The following BRINP1 variants were observed in gnomAD, a reference collection of about 807,000 sequenced individuals.
BRINP1 encodes BMP/retinoic acid inducible neural specific 1, also known as BMP/retinoic acid-inducible neural-specific protein 1.
Under a neutral mutation model 72.9 loss-of-function variants are expected in BRINP1, and 17 were observed. The observed-to-expected ratio is 0.23, with a 90% CI of 0.16 to 0.35. The LOEUF is 0.35. Among genes scored for constraint, BRINP1 ranks in the 10% least tolerant of loss-of-function variants. BRINP1 has a pLI of 1.00. For synonymous variants in BRINP1, 418 were observed against 378.5 expected, an observed-to-expected ratio of 1.10 and a Z score of -1.21; for missense variants, 850 against 1,001.6, an observed-to-expected ratio of 0.85 and a Z score of 2.04.
At chr9:119,318,844 G>GGGTGTGTGTGTGT (rs111313745) in intron 1 of BRINP1, among the ~76,000 whole-genome samples, 1 of 142,146 alleles carries the variant, frequency 7.0e-6, no homozygotes, top group African/African-American at 2.6e-5. Flanking sequence ...AAATGTGTGG[G>GGGTGTGTGTGTGT]GTGTGTGTGT....
Position 119,250,108 on chromosome 9 carries a change from AGG to A in BRINP1, c.219-960_219-959del, listed in dbSNP as rs1564228777. The stretch of plus-strand genomic sequence containing the variant: ...AGGAAGGAAGGAAGGAAGAAAAGGA[AGG>A]AGGGAGGGAGGGAAGGAGGGAGGGA... On this transcript the variant is annotated intron_variant, in intron 2 of 7. Coordinates refer to ENST00000265922, the MANE Select transcript of BRINP1 (RefSeq NM_014618.3). Among the ~76,000 whole-genome samples, 91 of 56,272 alleles carry A rather than the reference AGG, an allele frequency of 1.6e-3. 1 individual carries two copies. The highest frequency in any genetic ancestry group is 2.0e-3 in the Non-Finnish European group (56 of 27,774). 36.9% of individuals were successfully genotyped at this position (56,272 alleles called of 152,430 possible).
At chr9:119,247,836 T>C (rs543148793) in intron 3 of BRINP1, among the ~76,000 whole-genome samples, 1 of 152,314 alleles carries the variant, frequency 6.6e-6, no homozygotes, top group African/African-American at 2.4e-5. Flanking sequence ...ATGTGCAGTT[T>C]TGAGGACTAA....
chr9:119,335,089 C>G (rs1160965132), intron 1 of BRINP1, among the ~76,000 whole-genome samples: 1 of 152,154 alleles, frequency 6.6e-6, no homozygotes, highest in Non-Finnish European at 1.5e-5. Flanking sequence ...CGGACACAAA[C>G]AGCCAGCTCA....
At chr9:119,213,247 A>G (rs560712388) in intron 6 of BRINP1, among the ~76,000 whole-genome samples, 179 of 152,278 alleles carry the variant, frequency 1.2e-3, no homozygotes, top group Non-Finnish European at 2.0e-3. Flanking sequence ...TTTCCTAATC[A>G]TTGGCATGGT....
chr9:119,224,969 T>C (rs1830075337), intron 5 of BRINP1, among the ~76,000 whole-genome samples: 2 of 152,020 alleles, frequency 1.3e-5, no homozygotes, highest in African/African-American at 4.8e-5. Flanking sequence ...CAAAATACAC[T>C]TATTTTTACA....
intron 1 of BRINP1, among the ~76,000 whole-genome samples, chr9:119,328,321 T>C (rs1488126748): frequency 6.6e-6 from 1 of 152,088 alleles, no homozygotes; most frequent in Non-Finnish European, 1.5e-5. Flanking sequence ...TTGAAAGAGA[T>C]TAAGGCATGA....
At chr9:119,312,161 C>G (rs750287514) in intron 2 of BRINP1, among the ~76,000 whole-genome samples, 29 of 152,298 alleles carry the variant, frequency 1.9e-4, no homozygotes, top group Non-Finnish European at 4.1e-4. Context: ...TAACATGGAC[C>G]AGAGTTCCCT....
rs558146512 is a variant in BRINP1 at position 119,327,481 on chromosome 9, A to G, written c.-50-14076T>C. Among the ~76,000 whole-genome samples, 3 of 152,346 alleles carry G rather than the reference A, an allele frequency of 2.0e-5. No individual in the cohort carries two copies. The East Asian group carries it at 5.8e-4, about 29-fold the overall frequency. The stretch of plus-strand genomic sequence containing the variant: ...TGAGAGCTAGGATTCACTCCATGGG[A>G]TCACAGGGAACCATGGGAACCTTCT... On this transcript the variant is annotated intron_variant, in intron 1 of 7. Transcript: ENST00000265922.
chr9:119,322,790 C>T (rs1479711614), intron 1 of BRINP1, among the ~76,000 whole-genome samples: 2 of 152,150 alleles, frequency 1.3e-5, no homozygotes, highest in Non-Finnish European at 2.9e-5. Context: ...AGCTGAGTGA[C>T]CTTGGGCATG....
intron 2 of BRINP1, among the ~76,000 whole-genome samples, chr9:119,276,943 G>T (rs1452953391): frequency 6.6e-6 from 1 of 152,080 alleles, no homozygotes; most frequent in Non-Finnish European, 1.5e-5. Flanking sequence ...GTAAAGAACA[G>T]CTCCATCATC....
chr9:119,294,302 G>A lies in BRINP1; in HGVS notation c.218+18836C>T, dbSNP rs545149096. On this transcript the variant is annotated intron_variant, in intron 2 of 7. Coordinates refer to ENST00000265922, the MANE Select transcript of BRINP1 (RefSeq NM_014618.3). ...TCCCAGCACTTTGGGAGGCCGAGGC[G>A]GATGAATCATCTGAGGTCAGGGGTT... 5.9e-5 allele frequency among the ~76,000 whole-genome samples: 9 copies of A among 152,214 alleles called. No homozygotes were observed. The East Asian group carries it at 1.5e-3, about 26-fold the overall frequency.
At chr9:119,369,004 C>T (rs1831726067) in intron 1 of BRINP1, 52 bp downstream of exon 1, 3 of 391,688 alleles carry the variant, frequency 7.7e-6, no homozygotes, top group African/African-American at 2.1e-5. Flanking sequence ...CGGCCCGGGG[C>T]CGGGTCCAAG....
intron 5 of BRINP1, among the ~76,000 whole-genome samples, chr9:119,238,185 TA>T (rs11332864): frequency 0.38 from 57,741 of 151,988 alleles, 12,318 homozygotes; most frequent in East Asian, 0.66. Context: ...TTATGCTTTT[TA>T]AAAACAGTGC....
chr9:119,231,616 T>A (rs1002390980), intron 5 of BRINP1, among the ~76,000 whole-genome samples: 32 of 152,124 alleles, frequency 2.1e-4, no homozygotes, highest in Admixed American at 2.0e-3. Flanking sequence ...TTGTCATCAG[T>A]GACCCATGTG....
intron 2 of BRINP1, among the ~76,000 whole-genome samples, chr9:119,312,724 T>C (rs1260254402): frequency 6.6e-6 from 1 of 152,202 alleles, no homozygotes; most frequent in Non-Finnish European, 1.5e-5. Context: ...AATTATGATA[T>C]ACCAGATAAA....
intron 1 of BRINP1, among the ~76,000 whole-genome samples, chr9:119,361,483 CTG>C (rs1415769174): frequency 1.3e-5 from 2 of 152,196 alleles, no homozygotes; most frequent in African/African-American, 2.4e-5. Context: ...GAAACACAGT[CTG>C]TGCTGTAAGG....
At chr9:119,342,679 C>T (rs553606034) in intron 1 of BRINP1, among the ~76,000 whole-genome samples, 1 of 152,156 alleles carries the variant, frequency 6.6e-6, no homozygotes, top group East Asian at 1.9e-4. Context: ...AAGACTACCC[C>T]GTGAATGAGA....
At chr9:119,311,485 T>C (rs1831067426) in intron 2 of BRINP1, among the ~76,000 whole-genome samples, 1 of 151,962 alleles carries the variant, frequency 6.6e-6, no homozygotes, top group South Asian at 2.1e-4. Flanking sequence ...GGGCTCAGAA[T>C]CCTGCCTGGT....
chr9:119,285,526 A>G (rs1830752909), intron 2 of BRINP1, among the ~76,000 whole-genome samples: 1 of 152,224 alleles, frequency 6.6e-6, no homozygotes, highest in Non-Finnish European at 1.5e-5. Flanking sequence ...AATAAGTGTT[A>G]GAGGTGTGGT....
Sources: allele counts gnomAD v4.1 joint callset (sites outside exome capture counted in the v4.1 genomes callset), GRCh38; gene constraint gnomAD v4.1.1; transcripts MANE v1.5; gene names NCBI Gene and HGNC (gene_info 2026-07-23, HGNC 2026-07-21).